Variants in PGR observed in about 807,000 individuals in gnomAD.
The protein encoded by PGR is nuclear receptor subfamily 3 group C member 3.
PGR carries 25 observed loss-of-function variants against 76.1 expected under a neutral mutation model. That is an observed-to-expected ratio of 0.33 (90% CI 0.24 to 0.46). PGR has a LOEUF of 0.46. PGR is among the 20% of genes least tolerant of loss of function. PGR has a pLI of 1.00. For synonymous variants in PGR, 579 were observed against 535.0 expected, an observed-to-expected ratio of 1.08 and a Z score of -1.14; for missense variants, 1,172 against 1,225.3, an observed-to-expected ratio of 0.96 and a Z score of 0.65.
At chr11:101,081,622 A>G (rs1213613093) in intron 3 of PGR, among the ~76,000 whole-genome samples, 1 of 152,182 alleles carries the variant, frequency 6.6e-6, no homozygotes, top group Admixed American at 6.5e-5. Context: ...TTCTTAAAAG[A>G]AATTTCAACC....
chr11:101,118,247 G>A lies in PGR; in HGVS notation c.1789+7760C>T, dbSNP rs533798648. On this transcript the variant is annotated intron_variant, in intron 2 of 7. Transcript: ENST00000325455. ...GAGAAAAATAGAACCTGTCTCATAG[G>A]TTTGTTGCAAGAGTTAAATGAGTTA... Among the ~76,000 whole-genome samples, 55 of 152,294 alleles carry A rather than the reference G, an allele frequency of 3.6e-4. 1 individual carries two copies. The highest frequency in any genetic ancestry group is 3.3e-3 in the Admixed American group (51 of 15,296).
chr11:101,052,385 T>C (rs1860125477), intron 4 of PGR, among the ~76,000 whole-genome samples: 1 of 151,780 alleles, frequency 6.6e-6, no homozygotes, highest in East Asian at 1.9e-4. Flanking sequence ...ATGGTGTTGG[T>C]GGCAGAAGGA....
intron 3 of PGR, among the ~76,000 whole-genome samples, chr11:101,065,774 C>T (rs4363557): frequency 0.045 from 6,873 of 151,614 alleles, 455 homozygotes; most frequent in African/African-American, 0.14. Context: ...TGGGCTGAGA[C>T]GCTGGGGGTG....
intron 3 of PGR, among the ~76,000 whole-genome samples, chr11:101,089,893 C>T (rs928078606): frequency 2.0e-5 from 3 of 152,078 alleles, no homozygotes; most frequent in Non-Finnish European, 4.4e-5. Flanking sequence ...TAAAGGATTA[C>T]AGATGCTTGA....
At chr11:101,057,140 T>C (rs1860325503) in intron 4 of PGR, among the ~76,000 whole-genome samples, 1 of 152,166 alleles carries the variant, frequency 6.6e-6, no homozygotes, top group Non-Finnish European at 1.5e-5. Context: ...CATAGTGTTA[T>C]GGTTGACAAG....
intron 2 of PGR, among the ~76,000 whole-genome samples, chr11:101,105,139 A>T (rs1006911814): frequency 1.3e-5 from 2 of 152,198 alleles, no homozygotes; most frequent in African/African-American, 4.8e-5. Flanking sequence ...TAGTACAATC[A>T]GAGTGCAGCA....
At chr11:101,067,983 G>T (rs1860783026) in intron 3 of PGR, among the ~76,000 whole-genome samples, 1 of 151,948 alleles carries the variant, frequency 6.6e-6, no homozygotes, top group Non-Finnish European at 1.5e-5. Context: ...AGATATAGAG[G>T]TTTCTGGAGA....
Position 101,051,459 on chromosome 11 carries a change from C to G in PGR, c.2322G>C (p.Gln774His). 1.2e-6 allele frequency: 2 copies of G among 1,610,316 alleles called. No individual in the cohort carries two copies. The highest frequency in any genetic ancestry group is 1.7e-6 in the Non-Finnish European group (2 of 1,176,876). Residue 774 changes from glutamine to histidine, a missense_variant, in exon 5 of 8, where the codon CAG becomes CAC. Around this residue, in one of 4 missense-constraint regions of PGR, gnomAD observed 166 missense variants for 296.0 expected, o/e 0.56. Transcript: ENST00000325455. ...GWRSYKHVSG[Q>H]MLYFAPDLIL... ...TTAGATCAGGTGCAAAATACAGCATCTGCCCACTGACGTGTTTGTAGGATC... is the reference window on the plus strand; with the variant it reads ...TTAGATCAGGTGCAAAATACAGCATGTGCCCACTGACGTGTTTGTAGGATC...
chr11:101,065,377 T>C (rs1565340673), intron 3 of PGR, among the ~76,000 whole-genome samples: 2 of 152,256 alleles, frequency 1.3e-5, no homozygotes, highest in Non-Finnish European at 2.9e-5. Context: ...TTTGTTGTTT[T>C]TTTATATAGG....
rs3740754 is a variant in PGR at position 101,128,902 on chromosome 11, C to G, written c.169G>C (p.Gly57Arg). 1.2e-4 allele frequency: 188 copies of G among 1,613,958 alleles called. No individual in the cohort carries two copies. The East Asian group carries it at 2.5e-3, about 21-fold the overall frequency. ...EVSAIPISLDGLLFPRPCQGQ... is the reference protein window; with the variant it reads ...EVSAIPISLDRLLFPRPCQGQ... ...TGGCAGGGCCGAGGGAAGAGTAGCC[C>G]GTCCAGGGAGATAGGTATGGCCGAA... Residue 57 changes from glycine (G) to arginine (R), a missense_variant, in exon 1 of 8, where the codon GGG (glycine) becomes CGG (arginine). By Grantham distance (125) the Gly-to-Arg change is moderately radical. Around this residue, in one of 4 missense-constraint regions of PGR, gnomAD observed 893 missense variants for 785.9 expected, o/e 1.14. Transcript: ENST00000325455.
intron 2 of PGR, among the ~76,000 whole-genome samples, chr11:101,097,176 T>C (rs922323468): frequency 2.0e-5 from 3 of 152,184 alleles, no homozygotes; most frequent in Non-Finnish European, 4.4e-5. Context: ...CAAACTGTTA[T>C]GTCTTTTCTT....
intron 3 of PGR, among the ~76,000 whole-genome samples, chr11:101,081,753 A>G (rs898973326): frequency 6.6e-5 from 10 of 152,188 alleles, no homozygotes; most frequent in Non-Finnish European, 1.2e-4. Flanking sequence ...AGATCCTTAC[A>G]TGGGAGTTCT....
At chr11:101,064,693 A>T (rs750480265) in intron 3 of PGR, among the ~76,000 whole-genome samples, 4 of 152,110 alleles carry the variant, frequency 2.6e-5, no homozygotes, top group Non-Finnish European at 4.4e-5. Flanking sequence ...TTGGCAATAC[A>T]TGTCTGCTAA....
At chr11:101,097,631 T>C (rs1209832679) in intron 2 of PGR, among the ~76,000 whole-genome samples, 2 of 152,170 alleles carry the variant, frequency 1.3e-5, no homozygotes, top group Non-Finnish European at 2.9e-5. Context: ...TTGTCATATA[T>C]AGTAAATAGT....
At chr11:101,075,997 T>G (rs1039379010) in intron 3 of PGR, among the ~76,000 whole-genome samples, 1 of 152,206 alleles carries the variant, frequency 6.6e-6, no homozygotes, top group Non-Finnish European at 1.5e-5. Context: ...TAAATCATTG[T>G]ACCATAAAGA....
chr11:101,039,604 C>T (rs963595179), intron 7 of PGR, among the ~76,000 whole-genome samples: 5 of 151,884 alleles, frequency 3.3e-5, no homozygotes, highest in Non-Finnish European at 7.4e-5. Context: ...CCCAAGCATA[C>T]ACACAATATT....
intron 2 of PGR, among the ~76,000 whole-genome samples, chr11:101,096,491 A>G (rs896408296): frequency 6.6e-6 from 1 of 152,242 alleles, no homozygotes; most frequent in Non-Finnish European, 1.5e-5. Context: ...CATGGGGCCC[A>G]GGCATTGCCT....
chr11:101,108,512 C>T (rs186706031), intron 2 of PGR, among the ~76,000 whole-genome samples: 16 of 152,216 alleles, frequency 1.1e-4, no homozygotes, highest in African/African-American at 2.6e-4. Context: ...TATTTTTAAA[C>T]GACTTGACTA....
intron 2 of PGR, among the ~76,000 whole-genome samples, chr11:101,106,886 TAAAAA>T (rs964489961): frequency 6.6e-6 from 1 of 152,090 alleles, no homozygotes; most frequent in Non-Finnish European, 1.5e-5. Context: ...TATGCAGCCA[TAAAAA>T]AGAATGAGTT....
Sources: gnomAD v4.1 joint callset for allele counts (sites outside exome capture counted in the v4.1 genomes callset) on GRCh38, gnomAD v4.1.1 for gene constraint, gnomAD v4.1.1 regional missense constraint, MANE v1.5 for transcripts, NCBI Gene and HGNC (gene_info 2026-07-23, HGNC 2026-07-21) for gene names.